The following DLG2 variants were observed in gnomAD, a reference collection of about 807,000 sequenced individuals.
The protein encoded by DLG2 is disks large homolog 2.
Under a neutral mutation model 132.5 loss-of-function variants are expected in DLG2, and 45 were observed. The observed-to-expected ratio is 0.34, with a 90% CI of 0.27 to 0.44. The LOEUF (loss-of-function observed/expected upper bound fraction) is 0.44. DLG2 is among the 20% of genes least tolerant of loss of function. The pLI is 1.00. For missense variants in DLG2, 1,045 were observed against 1,196.9 expected (o/e 0.87, Z 1.87); for synonymous variants, 424 against 419.6 (o/e 1.01, Z -0.13).
rs146306730 is a variant in DLG2 at position 84,456,063 on chromosome 11, C to T, written c.519+78507G>A. Among the ~76,000 whole-genome samples the T allele has an allele frequency of 5.6e-4, 85 of 151,420 alleles. 1 individual carries two copies. Among genetic ancestry groups the T allele is most frequent in the East Asian group, 4.9e-3 (25 of 5,132 alleles). ...AACACTGGATTCTGAGCAGGAGGGC[C>T]TTCATGTCGCTTTGCATGAAAAGCC... is the stretch of plus-strand genomic sequence containing the variant. On this transcript the variant is annotated intron_variant, in intron 7 of 27. Transcript: ENST00000376104.
At chr11:84,150,059 T>C (rs910165697) in intron 9 of DLG2, among the ~76,000 whole-genome samples, 1 of 152,182 alleles carries the variant, frequency 6.6e-6, no homozygotes, top group Non-Finnish European at 1.5e-5. Flanking sequence ...CCCAGCCACA[T>C]ATGGATTTTA....
intron 18 of DLG2, among the ~76,000 whole-genome samples, chr11:83,636,888 A>G (rs1328755482): frequency 6.6e-6 from 1 of 152,134 alleles, no homozygotes; most frequent in Non-Finnish European, 1.5e-5. Context: ...CATCTTTCCT[A>G]CTTTGACAGT....
In DLG2 at chr11:84,359,780, T is replaced by C. The variant is rs567651666; in HGVS notation, c.520-108489A>G. ...TAGAGCTTCCTATGGCTCCCTACAC[T>C]AAGATAATAGATCATCCTACTATTA... On this transcript the variant is annotated intron_variant, in intron 7 of 27. Transcript: ENST00000376104. Among the ~76,000 whole-genome samples the C allele has an allele frequency of 2.6e-5, 4 of 152,014 alleles. No individual in the cohort carries two copies. The South Asian group carries it at 8.3e-4, about 31-fold the overall frequency.
At chr11:83,614,140 T>C (rs2060475844) in intron 19 of DLG2, among the ~76,000 whole-genome samples, 1 of 152,184 alleles carries the variant, frequency 6.6e-6, no homozygotes, top group Non-Finnish European at 1.5e-5. Context: ...AAATTCAGTG[T>C]AGGGTGGGGA....
At chr11:84,273,120 C>G (rs995997813) in intron 7 of DLG2, 2 of 1,468,050 alleles carry the variant, frequency 1.4e-6, no homozygotes, top group Non-Finnish European at 1.8e-6. Flanking sequence ...ATAAAAGAAT[C>G]CCTAGGAAAA....
intron 6 of DLG2, among the ~76,000 whole-genome samples, chr11:85,011,128 A>G (rs2059118737): frequency 6.6e-6 from 1 of 152,156 alleles, no homozygotes; most frequent in African/African-American, 2.4e-5. Context: ...CTTACAAACA[A>G]GCCTTGAGCA....
intron 19 of DLG2, among the ~76,000 whole-genome samples, chr11:83,625,268 A>G (rs2062317170): frequency 6.6e-6 from 1 of 152,188 alleles, no homozygotes; most frequent in South Asian, 2.1e-4. Flanking sequence ...CACGGATTTT[A>G]TGGCTTTGCC....
At chr11:84,125,809 C>G (rs997709510) in intron 9 of DLG2, among the ~76,000 whole-genome samples, 8 of 152,110 alleles carry the variant, frequency 5.3e-5, no homozygotes, top group Non-Finnish European at 1.2e-4. Flanking sequence ...TTAAAAATAG[C>G]CCTGATAAGA....
intron 6 of DLG2, among the ~76,000 whole-genome samples, chr11:84,920,567 A>G (rs2092705784): frequency 6.6e-6 from 1 of 152,202 alleles, no homozygotes. Context: ...TTCCGACTGG[A>G]AGCTTCTTAA....
At chr11:84,554,006 A>G (rs1247269531) in intron 6 of DLG2, among the ~76,000 whole-genome samples, 6 of 152,208 alleles carry the variant, frequency 3.9e-5, no homozygotes, top group Non-Finnish European at 7.3e-5. Flanking sequence ...GATAAAGAAG[A>G]GTTAGTGCAC....
chr11:84,822,845 C>A (rs193088950), intron 6 of DLG2, among the ~76,000 whole-genome samples: 22 of 151,978 alleles, frequency 1.4e-4, no homozygotes, highest in Non-Finnish European at 2.8e-4. Context: ...TGTCTAAATT[C>A]TCCTAACTTA....
chr11:83,897,641 C>A (rs902184719), intron 15 of DLG2, among the ~76,000 whole-genome samples: 4 of 152,104 alleles, frequency 2.6e-5, no homozygotes, highest in Non-Finnish European at 4.4e-5. Flanking sequence ...AAATCAATCA[C>A]CCATTGATTT....
At chr11:85,559,969 GT>G (rs1389376894) in intron 3 of DLG2, among the ~76,000 whole-genome samples, 7 of 151,682 alleles carry the variant, frequency 4.6e-5, no homozygotes, top group Non-Finnish European at 1.0e-4. Flanking sequence ...TTGATAGGAT[GT>G]TATGAACTAG....
intron 6 of DLG2, among the ~76,000 whole-genome samples, chr11:84,938,880 G>T (rs1026633029): frequency 7.2e-5 from 11 of 152,060 alleles, no homozygotes; most frequent in Non-Finnish European, 1.6e-4. Flanking sequence ...TATAAACATA[G>T]ATAAATATAA....
intron 6 of DLG2, among the ~76,000 whole-genome samples, chr11:84,788,775 C>G (rs1458141176): frequency 6.6e-6 from 1 of 152,076 alleles, no homozygotes; most frequent in African/African-American, 2.4e-5. Flanking sequence ...TAGCAGAAAC[C>G]TAGAAACAGT....
chr11:85,476,875 C>T (rs1184124141), intron 3 of DLG2, among the ~76,000 whole-genome samples: 1 of 151,976 alleles, frequency 6.6e-6, no homozygotes, highest in African/African-American at 2.4e-5. Context: ...GGAAAGAGTA[C>T]ACTCTAAAAT....
chr11:85,161,082 AT>A (rs1442920153), intron 4 of DLG2, among the ~76,000 whole-genome samples: 1 of 152,202 alleles, frequency 6.6e-6, no homozygotes, highest in Non-Finnish European at 1.5e-5. Flanking sequence ...TGACAAAGAA[AT>A]CTGGGGAAGG....
At chr11:85,198,391 C>T (rs1467421670) in intron 4 of DLG2, among the ~76,000 whole-genome samples, 1 of 152,096 alleles carries the variant, frequency 6.6e-6, no homozygotes, top group Non-Finnish European at 1.5e-5. Flanking sequence ...ACATTTGGCA[C>T]ATCATTGAAG....
chr11:84,624,603 T>C (rs1443885280), intron 6 of DLG2, among the ~76,000 whole-genome samples: 1 of 151,814 alleles, frequency 6.6e-6, no homozygotes, highest in Non-Finnish European at 1.5e-5. Context: ...AATAAAATCC[T>C]CCAAGAGCTT....
Sources: allele counts gnomAD v4.1 joint callset (sites outside exome capture counted in the v4.1 genomes callset), GRCh38; gene constraint gnomAD v4.1.1; transcripts MANE v1.5; gene names NCBI Gene and HGNC (gene_info 2026-07-23, HGNC 2026-07-21).